RNF145: variants seen among roughly 807,000 people sequenced by gnomAD.
RNF145 encodes the protein ring finger protein 145.
In RNF145, 12 loss-of-function variants were observed where a neutral mutation model predicts 57.3. The observed-to-expected ratio is 0.21, with a 90% CI of 0.13 to 0.34. The LOEUF (loss-of-function observed/expected upper bound fraction) is 0.34. Among genes scored for constraint, RNF145 ranks in the 10% least tolerant of loss-of-function variants. RNF145 has a pLI of 1.00. For missense variants in RNF145, 429 were observed against 799.0 expected, an observed-to-expected ratio of 0.54 and a Z score of 5.58; for synonymous variants, 262 against 288.3, an observed-to-expected ratio of 0.91 and a Z score of 0.92.
At chr5:159,204,910 T>C (rs1785820267) in intron 1 of RNF145, among the ~76,000 whole-genome samples, 1 of 152,178 alleles carries the variant, frequency 6.6e-6, no homozygotes, top group African/African-American at 2.4e-5. Flanking sequence ...TTTAAGAATT[T>C]TGCTGAGAAA....
chr5:159,172,392 A>C (rs557451564), intron 6 of RNF145, among the ~76,000 whole-genome samples: 1 of 152,118 alleles, frequency 6.6e-6, no homozygotes, highest in South Asian at 2.1e-4. Context: ...GAGGCAGGAG[A>C]ATTGCTGGAA....
chr5:159,203,588 C>T lies in RNF145; in HGVS notation c.30G>A (p.Val10=), dbSNP rs866371700. Residue 10 remains valine (V), a synonymous_variant, in exon 2 of 11, where the codon GTG becomes GTA. Coordinates refer to ENST00000424310, the MANE Select transcript of RNF145 (RefSeq NM_001199383.2). ...TTGGCACCCTCAGGGCCACATTTAACACTGCCTCCAGTTTCTCCTTTGCAG... is the reference window on the plus strand; with the variant it reads ...TTGGCACCCTCAGGGCCACATTTAATACTGCCTCCAGTTTCTCCTTTGCAG... MAAKEKLEA[V]LNVALRVPSI... is the part of the protein sequence containing the mutation. 5.0e-6 allele frequency: 8 copies of T among 1,613,706 alleles called. No individual in the cohort carries two copies. The highest frequency in any genetic ancestry group is 1.6e-4 in the Middle Eastern group (1 of 6,078).
chr5:159,209,650 G>A, upstream of RNF145: 1 of 987,528 alleles, frequency 1.0e-6, no homozygotes, highest in Non-Finnish European at 1.3e-6. Context: ...TCACAATCGC[G>A]CCCGCGGAGT....
chr5:159,162,394 C>T (rs1254682867), intron 9 of RNF145, among the ~76,000 whole-genome samples: 2 of 150,886 alleles, frequency 1.3e-5, no homozygotes, highest in Admixed American at 6.6e-5. Flanking sequence ...ATAAAAAATA[C>T]AGTGACATCA....
intron 1 of RNF145, chr5:159,208,226 G>A: frequency 8.4e-7 from 1 of 1,185,472 alleles, no homozygotes; most frequent in Non-Finnish European, 1.1e-6. Flanking sequence ...GCAGCAACCG[G>A]GCCGCCGCCG....
chr5:159,177,995 T>C (rs1371194022), intron 4 of RNF145, among the ~76,000 whole-genome samples: 2 of 152,046 alleles, frequency 1.3e-5, no homozygotes, highest in Non-Finnish European at 2.9e-5. Context: ...CTTAGTCACA[T>C]GATTGCATTT....
In RNF145 at chr5:159,162,916, T is replaced by G; in HGVS notation, c.1269+16A>C. ...AAAATTGGTTATTATATAGAGTTAA[T>G]TAATCATAGGCTTACCTGAAGAGAG... On this transcript the variant is annotated intron_variant, in intron 9 of 10. Transcript: ENST00000424310. The G allele has an allele frequency of 1.3e-6, 2 of 1,575,094 alleles. No homozygotes were observed. The highest frequency in any genetic ancestry group is 1.7e-6 in the Non-Finnish European group (2 of 1,167,878).
intron 2 of RNF145, among the ~76,000 whole-genome samples, chr5:159,198,260 TAAATAAA>T (rs1785529047): frequency 6.7e-6 from 1 of 150,340 alleles, no homozygotes; most frequent in African/African-American, 2.4e-5. Flanking sequence ...AATAAATAAA[TAAATAAA>T]TAAATAAATA....
chr5:159,207,558 C>T, intron 1 of RNF145: 1 of 1,589,774 alleles, frequency 6.3e-7, no homozygotes, highest in Non-Finnish European at 8.5e-7. Context: ...AGTAAATTTT[C>T]GGGCTGTCCA....
chr5:159,179,194 A>C (rs1290384862), intron 4 of RNF145, among the ~76,000 whole-genome samples: 1 of 152,068 alleles, frequency 6.6e-6, no homozygotes, highest in Non-Finnish European at 1.5e-5. Context: ...CTTTCATAGA[A>C]GAATATGACT....
At chr5:159,175,261 C>A (rs1052604026) in intron 5 of RNF145, among the ~76,000 whole-genome samples, 5 of 152,054 alleles carry the variant, frequency 3.3e-5, no homozygotes, top group African/African-American at 1.2e-4. Flanking sequence ...CATTACGAGG[C>A]AGAGAATATT....
At chr5:159,183,321 A>C (rs1285318371) in intron 3 of RNF145, among the ~76,000 whole-genome samples, 1 of 152,174 alleles carries the variant, frequency 6.6e-6, no homozygotes, top group Non-Finnish European at 1.5e-5. Flanking sequence ...CAACCTCTGG[A>C]AACATTTTTG....
In RNF145 at chr5:159,198,954, C is replaced by T. The variant is rs113620203; in HGVS notation, c.185-4130G>A. ...GATCACACCACTGCACTCCAACCTGCGCAAGAGTGAGACCCTGTCACGTAC... is the reference window on the plus strand; with the variant it reads ...GATCACACCACTGCACTCCAACCTGTGCAAGAGTGAGACCCTGTCACGTAC... On this transcript the variant is annotated intron_variant, in intron 2 of 10. Coordinates refer to ENST00000424310, the MANE Select transcript of RNF145 (RefSeq NM_001199383.2). Among the ~76,000 whole-genome samples, 467 of 152,116 alleles carry T rather than the reference C, an allele frequency of 3.1e-3. 1 individual carries two copies. Among genetic ancestry groups the T allele is most frequent in the Non-Finnish European group, 5.6e-3 (381 of 67,990 alleles).
chr5:159,167,831 T>C (rs547156189), intron 8 of RNF145, among the ~76,000 whole-genome samples: 18 of 152,298 alleles, frequency 1.2e-4, no homozygotes, highest in African/African-American at 3.6e-4. Flanking sequence ...ATATAGAATG[T>C]TTGGCAATGT....
chr5:159,203,621 G>GTTTTTTTTTTT lies in RNF145; in HGVS notation c.-15_-5dup. The GTTTTTTTTTTT allele has an allele frequency of 3.1e-6, 4 of 1,269,998 alleles. No individual in the cohort carries two copies. The highest frequency in any genetic ancestry group is 2.1e-6 in the Non-Finnish European group (2 of 933,644). The allele number at this position is 1,269,998 out of a possible 1,614,324, so 78.7% of individuals were successfully genotyped here. ...CCAGTTTCTCCTTTGCAGCCATGTT[G>GTTTTTTTTTTT]TTTTTTTTTTTCTTTTTTTTTTTCT... is the stretch of plus-strand genomic sequence containing the variant. On this transcript the variant is annotated 5_prime_UTR_variant, in exon 2 of 11. Coordinates refer to ENST00000424310, the MANE Select transcript of RNF145 (RefSeq NM_001199383.2).
chr5:159,204,327 T>C (rs1357762781), intron 1 of RNF145, among the ~76,000 whole-genome samples: 3 of 151,458 alleles, frequency 2.0e-5, no homozygotes, highest in South Asian at 2.1e-4. Flanking sequence ...AGCAGGCACA[T>C]GGAAGACGCC....
At chr5:159,209,961 G>A, upstream of RNF145, 2 of 1,482,944 alleles carry the variant, frequency 1.3e-6, no homozygotes, top group Non-Finnish European at 9.1e-7. Context: ...GGACTAGACT[G>A]TAAACTCCTT....
In RNF145 at chr5:159,158,754, T is replaced by C; in HGVS notation, c.1908A>G (p.Arg636=). ...SRDNNEYIAR[R]PDNQEGAFDP... Reference sequence around the variant, plus strand: ...CAAAAGCCCCTTCCTGGTTATCTGGTCGTCTGGCAATGTACTCATTATTGT... The same window carrying C: ...CAAAAGCCCCTTCCTGGTTATCTGGCCGTCTGGCAATGTACTCATTATTGT... The change falls in exon 11 of 11, where the codon CGA becomes CGG. Residue 636 remains arginine, a synonymous_variant. Transcript: ENST00000424310. 6.2e-7 allele frequency: 1 copy of C among 1,613,996 alleles called. No homozygotes were observed. Among genetic ancestry groups the C allele is most frequent in the Non-Finnish European group, 8.5e-7 (1 of 1,179,872 alleles).
chr5:159,177,934 C>T lies in RNF145; in HGVS notation c.386-1067G>A, dbSNP rs139911628. Among the ~76,000 whole-genome samples the T allele has an allele frequency of 1.1e-3, 171 of 152,074 alleles. 1 individual carries two copies. In the East Asian group the frequency reaches 0.023, roughly 21 times the overall value. ...TTTGGTGAAATGTTCACATTCTTTG[C>T]CCATTTTTCTGCTAGAATACGTATC... On this transcript the variant is annotated intron_variant, in intron 4 of 10. Coordinates refer to ENST00000424310, the MANE Select transcript of RNF145 (RefSeq NM_001199383.2).
Sources: gnomAD v4.1 joint callset for allele counts (sites outside exome capture counted in the v4.1 genomes callset) on GRCh38, gnomAD v4.1.1 for gene constraint, MANE v1.5 for transcripts, NCBI Gene and HGNC (gene_info 2026-07-23, HGNC 2026-07-21) for gene names.